TENM3: variants seen among roughly 807,000 people sequenced by gnomAD.
TENM3 encodes teneurin transmembrane protein 3.
TENM3 carries 63 observed loss-of-function variants against 255.1 expected under a neutral mutation model. That is an observed-to-expected ratio of 0.25 (90% CI 0.20 to 0.30). The LOEUF is 0.30. Ranked by LOEUF, TENM3 falls within the 10% of genes least tolerant of loss-of-function variation. TENM3 has a pLI of 1.00. For synonymous variants in TENM3, 1,306 were observed against 1,322.3 expected, an observed-to-expected ratio of 0.99 and a Z score of 0.27; for missense variants, 2,929 against 3,461.1, an observed-to-expected ratio of 0.85 and a Z score of 3.86.
the TENM3 span, among the ~76,000 whole-genome samples, chr4:181,495,528 C>T: frequency 6.7e-6 from 1 of 148,506 alleles, no homozygotes; most frequent in African/African-American, 2.5e-5. Context: ...CTCCTTAGGA[C>T]AGGTCTTTTG....
intron 1 of TENM3, among the ~76,000 whole-genome samples, chr4:182,205,202 T>A (rs1754470640): frequency 6.6e-6 from 1 of 152,248 alleles, no homozygotes; most frequent in African/African-American, 2.4e-5. Flanking sequence ...TTCCACCCCG[T>A]GTCTATCACA....
intron 1 of TENM3, among the ~76,000 whole-genome samples, chr4:182,159,728 T>G (rs1379970269): frequency 1.3e-5 from 2 of 152,036 alleles, no homozygotes; most frequent in East Asian, 3.9e-4. Flanking sequence ...GTCCGGCCCG[T>G]GGATGGCCGG....
intron 3 of TENM3, among the ~76,000 whole-genome samples, chr4:182,491,724 A>G (rs771407953): frequency 6.6e-6 from 1 of 152,150 alleles, no homozygotes; most frequent in African/African-American, 2.4e-5. Flanking sequence ...TAAACTGTTC[A>G]CCATAGATGT....
intron 3 of TENM3, among the ~76,000 whole-genome samples, chr4:182,526,955 C>A (rs1328038542): frequency 1.3e-5 from 2 of 148,370 alleles, no homozygotes; most frequent in East Asian, 4.0e-4. Flanking sequence ...TTAGCCCTTT[C>A]GCTCCTTTCT....
the TENM3 span, among the ~76,000 whole-genome samples, chr4:181,912,275 G>A: frequency 6.6e-6 from 1 of 152,154 alleles, no homozygotes; most frequent in Non-Finnish European, 1.5e-5. Flanking sequence ...GCTTCATTAG[G>A]AATTTTCATT....
At chr4:181,926,155 G>A in the TENM3 span, among the ~76,000 whole-genome samples, 5 of 152,124 alleles carry the variant, frequency 3.3e-5, no homozygotes, top group East Asian at 9.6e-4. Context: ...AAATAAACCT[G>A]AAATTTCTAT....
chr4:182,681,437 TCAAA>T (rs1756166952), intron 10 of TENM3, among the ~76,000 whole-genome samples: 1 of 152,206 alleles, frequency 6.6e-6, no homozygotes, highest in African/African-American at 2.4e-5. Flanking sequence ...CATTTATTTC[TCAAA>T]CAGTGTGAGG....
intron 1 of TENM3, among the ~76,000 whole-genome samples, chr4:182,232,867 G>A (rs1756670078): frequency 6.6e-6 from 1 of 152,126 alleles, no homozygotes; most frequent in African/African-American, 2.4e-5. Context: ...GACAAAAGGA[G>A]GATTCACATT....
chr4:182,710,896 G>T (rs553484309), intron 12 of TENM3, among the ~76,000 whole-genome samples: 2 of 152,112 alleles, frequency 1.3e-5, no homozygotes, highest in African/African-American at 4.8e-5. Flanking sequence ...ACAGGGGCAG[G>T]TACAGGTACA....
chr4:181,591,967 A>G, the TENM3 span, among the ~76,000 whole-genome samples: 1 of 152,206 alleles, frequency 6.6e-6, no homozygotes, highest in Non-Finnish European at 1.5e-5. Context: ...AGAAAAAAAA[A>G]AAGAGTCCAT....
At chr4:182,054,739 T>A in the TENM3 span, among the ~76,000 whole-genome samples, 1 of 152,148 alleles carries the variant, frequency 6.6e-6, no homozygotes, top group African/African-American at 2.4e-5. Context: ...ATTATATGTC[T>A]GTATCAAAAC....
chr4:182,281,587 TCAAA>T (rs1280081270), intron 1 of TENM3, among the ~76,000 whole-genome samples: 1 of 152,084 alleles, frequency 6.6e-6, no homozygotes, highest in East Asian at 1.9e-4. Context: ...ACTCCTGGGC[TCAAA>T]CAATCCTCCC....
At chr4:182,363,071 T>C (rs1227077749) in intron 3 of TENM3, among the ~76,000 whole-genome samples, 1 of 152,166 alleles carries the variant, frequency 6.6e-6, no homozygotes, top group Non-Finnish European at 1.5e-5. Context: ...CATCAGAAGC[T>C]TTGGAGGAGC....
At chr4:182,386,763 T>C (rs1427891323) in intron 3 of TENM3, among the ~76,000 whole-genome samples, 1 of 152,200 alleles carries the variant, frequency 6.6e-6, no homozygotes, top group Non-Finnish European at 1.5e-5. Context: ...TCTCGATTTC[T>C]CGCCGGGCCT....
chr4:182,737,135 A>T (rs1266808122), intron 17 of TENM3, 60 bp downstream of exon 17: 1 of 1,530,032 alleles, frequency 6.5e-7, no homozygotes, highest in Non-Finnish European at 8.9e-7. Context: ...AACTATCATA[A>T]ATTAATTGTA....
At chr4:182,674,635 G>T (rs1755509381) in intron 7 of TENM3, among the ~76,000 whole-genome samples, 1 of 152,100 alleles carries the variant, frequency 6.6e-6, no homozygotes, top group Admixed American at 6.6e-5. Flanking sequence ...GAGTGCAATG[G>T]CACAATCTTA....
At chr4:181,533,051 G>A in the TENM3 span, among the ~76,000 whole-genome samples, 1 of 152,112 alleles carries the variant, frequency 6.6e-6, no homozygotes, top group African/African-American at 2.4e-5. Context: ...TCTACCCGGG[G>A]TTTTGGGGAA....
intron 3 of TENM3, among the ~76,000 whole-genome samples, chr4:182,426,055 T>C (rs1771202095): frequency 6.8e-6 from 1 of 146,712 alleles, no homozygotes; most frequent in Non-Finnish European, 1.5e-5. Flanking sequence ...ATTGGAGGTA[T>C]TAGAATTTTT....
chr4:181,721,130 G>A, the TENM3 span, among the ~76,000 whole-genome samples: 2 of 151,880 alleles, frequency 1.3e-5, no homozygotes, highest in Non-Finnish European at 2.9e-5. Context: ...GGGTCATTCC[G>A]GGAGGGGGGA....
Sources: gnomAD v4.1 joint callset for allele counts (sites outside exome capture counted in the v4.1 genomes callset) on GRCh38, gnomAD v4.1.1 for gene constraint, MANE v1.5 for transcripts, NCBI Gene and HGNC (gene_info 2026-07-23, HGNC 2026-07-21) for gene names.